The following VMP1 variants were observed in gnomAD, a reference collection of about 807,000 sequenced individuals.
The protein encoded by VMP1 is vacuole membrane protein 1.
A neutral mutation model predicts 56.0 loss-of-function variants in VMP1; 11 were observed. The ratio of observed to expected loss-of-function variants is 0.20; its 90% confidence interval spans 0.12 to 0.32. VMP1 has a LOEUF of 0.32. VMP1 is among the 10% of genes least tolerant of loss of function. VMP1 has a pLI of 1.00. For synonymous variants in VMP1, 149 were observed against 165.0 expected, an observed-to-expected ratio of 0.90 and a Z score of 0.74; for missense variants, 296 against 490.3, an observed-to-expected ratio of 0.60 and a Z score of 3.74.
intron 5 of VMP1, among the ~76,000 whole-genome samples, chr17:59,742,297 C>T (rs2035254459): frequency 6.6e-6 from 1 of 151,992 alleles, no homozygotes; most frequent in African/African-American, 2.4e-5. Flanking sequence ...CGCTTGAGAC[C>T]ACAGGTTCAA....
chr17:59,827,027 C>G (rs921542074), intron 10 of VMP1, among the ~76,000 whole-genome samples: 3 of 152,302 alleles, frequency 2.0e-5, no homozygotes, highest in Middle Eastern at 3.4e-3. Flanking sequence ...AATGAAAAAC[C>G]TACTGGTTTC....
At chr17:59,789,480 A>G (rs566310088) in intron 7 of VMP1, among the ~76,000 whole-genome samples, 1 of 152,150 alleles carries the variant, frequency 6.6e-6, no homozygotes, top group South Asian at 2.1e-4. Context: ...GGTTGCAGTG[A>G]GCCAAAATCG....
chr17:59,744,840 C>A (rs2035366345), intron 5 of VMP1, among the ~76,000 whole-genome samples: 1 of 151,304 alleles, frequency 6.6e-6, no homozygotes, highest in African/African-American at 2.4e-5. Context: ...CATTTAGGAT[C>A]CCCTGGGTTT....
chr17:59,827,155 CA>C (rs1162987753), intron 10 of VMP1, among the ~76,000 whole-genome samples: 1 of 151,962 alleles, frequency 6.6e-6, no homozygotes, highest in Non-Finnish European at 1.5e-5. Context: ...TCAATACTGT[CA>C]CTTTTTTTTT....
At chr17:59,778,027 A>G (rs2036686847) in intron 7 of VMP1, among the ~76,000 whole-genome samples, 1 of 152,076 alleles carries the variant, frequency 6.6e-6, no homozygotes, top group Non-Finnish European at 1.5e-5. Context: ...TAATTTTTTA[A>G]ACCTTTTTGC....
At chr17:59,726,438 C>T (rs2034608155) in intron 1 of VMP1, among the ~76,000 whole-genome samples, 1 of 151,984 alleles carries the variant, frequency 6.6e-6, no homozygotes, top group African/African-American at 2.4e-5. Flanking sequence ...GGATTACAGG[C>T]GCAAGCCACC....
chr17:59,805,610 T>C (rs896606193), intron 7 of VMP1, among the ~76,000 whole-genome samples: 1 of 151,472 alleles, frequency 6.6e-6, no homozygotes, highest in African/African-American at 2.4e-5. Flanking sequence ...AATAGAAAAT[T>C]CTAAAGCCTT....
intron 1 of VMP1, among the ~76,000 whole-genome samples, chr17:59,720,334 TGACG>T (rs2034343062): frequency 6.6e-6 from 1 of 152,260 alleles, no homozygotes; most frequent in Non-Finnish European, 1.5e-5. Flanking sequence ...TAATAATTTT[TGACG>T]GATTGTCCTT....
At chr17:59,766,167 C>T (rs1055675197) in intron 6 of VMP1, among the ~76,000 whole-genome samples, 1 of 152,080 alleles carries the variant, frequency 6.6e-6, no homozygotes, top group African/African-American at 2.4e-5. Flanking sequence ...CTTCAACCTC[C>T]TGGGCTCAAG....
chr17:59,740,241 A>T (rs191485057), intron 5 of VMP1, among the ~76,000 whole-genome samples: 17 of 152,298 alleles, frequency 1.1e-4, no homozygotes, highest in Middle Eastern at 6.8e-3. Flanking sequence ...GGTCATGCAG[A>T]TACAGAATGG....
chr17:59,765,646 G>A (rs1452521211), intron 6 of VMP1, among the ~76,000 whole-genome samples: 1 of 152,054 alleles, frequency 6.6e-6, no homozygotes, highest in Non-Finnish European at 1.5e-5. Context: ...AAGTGGAAAC[G>A]GATCATCATT....
intron 5 of VMP1, among the ~76,000 whole-genome samples, chr17:59,762,825 A>G (rs1249902689): frequency 6.6e-6 from 1 of 152,072 alleles, no homozygotes; most frequent in African/African-American, 2.4e-5. Context: ...CAGAATAACT[A>G]AAAATGAAAA....
chr17:59,754,672 A>G (rs1321592018), intron 5 of VMP1, among the ~76,000 whole-genome samples: 4 of 152,184 alleles, frequency 2.6e-5, no homozygotes, highest in Non-Finnish European at 5.9e-5. Context: ...CTGTTTCAGG[A>G]AGACCAACAG....
chr17:59,784,015 G>C (rs1018810834), intron 7 of VMP1, among the ~76,000 whole-genome samples: 40 of 151,666 alleles, frequency 2.6e-4, no homozygotes, highest in African/African-American at 9.5e-4. Flanking sequence ...GACTACTTCT[G>C]ATTTCCCTTT....
intron 1 of VMP1, among the ~76,000 whole-genome samples, chr17:59,724,750 G>T (rs2034531765): frequency 6.6e-6 from 1 of 152,090 alleles, no homozygotes; most frequent in African/African-American, 2.4e-5. Context: ...CTGATCACGA[G>T]GTCAGGAGAT....
intron 1 of VMP1, among the ~76,000 whole-genome samples, chr17:59,730,956 A>G (rs1408310946): frequency 6.6e-6 from 1 of 151,898 alleles, no homozygotes; most frequent in Non-Finnish European, 1.5e-5. Context: ...AGTATATTCT[A>G]TTTTTATATA....
At chr17:59,823,359 G>A (rs545036714) in intron 10 of VMP1, among the ~76,000 whole-genome samples, 16 of 151,804 alleles carry the variant, frequency 1.1e-4, no homozygotes, top group Middle Eastern at 3.4e-3. Flanking sequence ...GCTGAGGTAG[G>A]AGAATTTCTC....
At chr17:59,728,993 G>T (rs894663460) in intron 1 of VMP1, among the ~76,000 whole-genome samples, 11 of 152,118 alleles carry the variant, frequency 7.2e-5, no homozygotes, top group African/African-American at 2.7e-4. Flanking sequence ...TCATGGATAT[G>T]CATATTCTGG....
At chr17:59,773,326 A>C (rs1439296321) in intron 6 of VMP1, among the ~76,000 whole-genome samples, 1 of 152,118 alleles carries the variant, frequency 6.6e-6, no homozygotes, top group East Asian at 1.9e-4. Flanking sequence ...AATGATAAAA[A>C]TAACAGAGTC....
Sources: gnomAD v4.1 joint callset for allele counts (sites outside exome capture counted in the v4.1 genomes callset) on GRCh38, gnomAD v4.1.1 for gene constraint, MANE v1.5 for transcripts, NCBI Gene and HGNC (gene_info 2026-07-23, HGNC 2026-07-21) for gene names.